The following BDP1 variants were observed in gnomAD, a reference collection of about 807,000 sequenced individuals.
BDP1 encodes the protein BDP1 general transcription factor IIIB subunit.
A neutral mutation model predicts 266.6 loss-of-function variants in BDP1; 169 were observed. The observed-to-expected ratio is 0.63, with a 90% CI of 0.56 to 0.72. BDP1 has a LOEUF of 0.72. BDP1 is among the 30% of genes least tolerant of loss of function. BDP1 has a pLI of 0.00. For synonymous variants in BDP1, 1,090 were observed against 1,022.4 expected (o/e 1.07, Z -1.26); for missense variants, 3,015 against 3,053.8 (o/e 0.99, Z 0.30).
intron 3 of BDP1, 80 bp from the exon 4 acceptor site, chr5:71,463,978 A>G: frequency 1.2e-6 from 1 of 818,800 alleles, no homozygotes; most frequent in East Asian, 2.8e-5. Context: ...AGTTAGAATA[A>G]TTTTCTTCTT....
Position 71,524,173 on chromosome 5 carries a change from A to T in BDP1, c.5622A>T (p.Glu1874Asp), listed in dbSNP as rs747149501. Reference protein sequence around the residue: ...MLVTLRASQEEDDDADDFESD... With the variant: ...MLVTLRASQEDDDDADDFESD... ...TGACTCTTCGGGCTTCCCAGGAAGA[A>T]GATGATGATGCTGACGATTTTGAGT... Residue 1874 changes from glutamate (E) to aspartate (D), a missense_variant, in exon 25 of 39, where the codon GAA becomes GAT. This residue lies in a region of BDP1 where 2,383 missense variants were observed against 2,404.9 expected (regional missense o/e 0.99). Transcript: ENST00000358731. 20 of 1,614,090 alleles carry T rather than the reference A, an allele frequency of 1.2e-5. No individual in the cohort carries two copies. Among genetic ancestry groups the T allele is most frequent in the South Asian group, 7.7e-5 (7 of 91,092 alleles).
At chr5:71,513,429 G>T in intron 19 of BDP1, 22 bp downstream of exon 19, 3 of 1,341,928 alleles carry the variant, frequency 2.2e-6, no homozygotes, top group Non-Finnish European at 3.1e-6. Flanking sequence ...TGAGATGGAA[G>T]TTCTGTGTGG....
At chr5:71,537,988 G>A (rs1482918990) in intron 26 of BDP1, 1 of 152,210 alleles carries the variant, frequency 6.6e-6, no homozygotes, top group Non-Finnish European at 1.5e-5. Flanking sequence ...TTTCATAAAC[G>A]TCCTTTACCA....
In BDP1 at chr5:71,514,982, A is replaced by T. The variant is rs1459398603; in HGVS notation, c.4509A>T (p.Thr1503=). Residue 1503 remains threonine, a synonymous_variant, in exon 20 of 39, where the codon ACA becomes ACT. Transcript: ENST00000358731. ...ASLMISREKD[T]LGHRNEEAVI... Reference sequence around the variant, plus strand: ...TAATGATATCAAGAGAAAAAGACACATTAGGTCACAGGAATGAGGAGGCTG... The same window carrying T: ...TAATGATATCAAGAGAAAAAGACACTTTAGGTCACAGGAATGAGGAGGCTG... 3.1e-6 allele frequency: 5 copies of T among 1,611,192 alleles called. No individual in the cohort carries two copies. In the African/African-American group the frequency reaches 6.7e-5, roughly 22 times the overall value.
intron 11 of BDP1, among the ~76,000 whole-genome samples, chr5:71,492,880 TGCAGCCATCA>T (rs778644251): frequency 2.0e-5 from 3 of 152,258 alleles, no homozygotes; most frequent in Admixed American, 6.5e-5. Context: ...TACATTGTTG[TGCAGCCATCA>T]GCACTATTTC....
At chr5:71,464,155 T>A (rs1187908885) in intron 4 of BDP1, 38 bp downstream of exon 4, 1 of 1,269,674 alleles carries the variant, frequency 7.9e-7, no homozygotes, top group African/African-American at 1.5e-5. Flanking sequence ...TATTCCTACA[T>A]TTTTTAAGAA....
chr5:71,466,282 G>C, intron 5 of BDP1, 61 bp downstream of exon 5: 1 of 1,581,962 alleles, frequency 6.3e-7, no homozygotes. Context: ...GCTTTGTCTA[G>C]TGAAAGAGGT....
chr5:71,464,095 T>G lies in BDP1; in HGVS notation c.637T>G (p.Ser213Ala), dbSNP rs755813881. The change falls in exon 4 of 39, where the codon TCG becomes GCG. Residue 213 changes from serine (S) to alanine (A), a missense_variant. This residue lies in a region of BDP1 where 2,383 missense variants were observed against 2,404.9 expected (regional missense o/e 0.99). Transcript: ENST00000358731. ...LEQEKKTEKP[S>A]TPVQTREQEG... Reference sequence around the variant, plus strand: ...ACAAGAAAAGAAAACTGAAAAGCCATCGACTCCAGTCCAGACAAGAGAGTA... The same window carrying G: ...ACAAGAAAAGAAAACTGAAAAGCCAGCGACTCCAGTCCAGACAAGAGAGTA... The G allele has an allele frequency of 5.1e-6, 8 of 1,580,978 alleles. No homozygotes were observed. The highest frequency in any genetic ancestry group is 6.9e-6 in the Non-Finnish European group (8 of 1,161,540).
Position 71,556,938 on chromosome 5 carries a change from C to G in BDP1, c.7240+13C>G, listed in dbSNP as rs376968042. The G allele has an allele frequency of 3.6e-6, 5 of 1,404,400 alleles. No homozygotes were observed. The highest frequency in any genetic ancestry group is 3.8e-6 in the Non-Finnish European group (4 of 1,050,474). The allele number at this position is 1,404,400 out of a possible 1,614,324, so 87.0% of individuals were successfully genotyped here. A position where few individuals can be genotyped will look rare whatever the true frequency, so the allele number is the denominator to read the frequency against. ...TTTGAGGAAACAGGTAAGTGAAATACATTTTAACATGATTGCATTTTGCTA... is the reference window on the plus strand; with the variant it reads ...TTTGAGGAAACAGGTAAGTGAAATAGATTTTAACATGATTGCATTTTGCTA... On this transcript the variant is annotated intron_variant, in intron 36 of 38. Coordinates refer to ENST00000358731, the MANE Select transcript of BDP1 (RefSeq NM_018429.3).
rs781749234 is a variant in BDP1, at chr5:71,562,355, T to C, written c.7578T>C (p.His2526=). ...AGTCTGATGAACCTATGCAAGTCCA[T>C]AGTAAGAAACGCCTAAAACCTCTTA... ...SLESDEPMQV[H]SKKRLKPLIP... The change falls in exon 38 of 39, where the codon CAT becomes CAC. Residue 2526 remains histidine, a synonymous_variant. Transcript: ENST00000358731. 2.5e-6 allele frequency: 4 copies of C among 1,613,688 alleles called. No individual in the cohort carries two copies. In the East Asian group the frequency reaches 6.7e-5, roughly 27 times the overall value.
Position 71,517,160 on chromosome 5 carries a change from G to A in BDP1, c.4861-162G>A, listed in dbSNP as rs188480267. On this transcript the variant is annotated intron_variant, in intron 21 of 38. Transcript: ENST00000358731. ...GAGGATCGTTTGAGCCTAGGACTTT[G>A]AGACTAGCCTGGGCAGTATGATGAG... Among the ~76,000 whole-genome samples the A allele has an allele frequency of 3.3e-5, 5 of 152,282 alleles. No individual in the cohort carries two copies. In the East Asian group the frequency reaches 9.6e-4, roughly 29 times the overall value.
At chr5:71,535,353 C>T (rs145931398) in intron 26 of BDP1, among the ~76,000 whole-genome samples, 3,807 of 152,004 alleles carry the variant, frequency 0.025, 72 homozygotes, top group South Asian at 0.073. Context: ...TACAAGCGCC[C>T]GCCACCACAT....
chr5:71,557,951 A>C (rs1743344797), intron 36 of BDP1, among the ~76,000 whole-genome samples: 2 of 152,220 alleles, frequency 1.3e-5, no homozygotes, highest in African/African-American at 4.8e-5. Flanking sequence ...TTCTATTTTT[A>C]TAGGAATCTA....
intron 30 of BDP1, 77 bp downstream of exon 30, chr5:71,542,342 G>A (rs1474986131): frequency 2.8e-5 from 37 of 1,305,622 alleles, no homozygotes; most frequent in South Asian, 2.3e-4. Context: ...AGAAATATTT[G>A]GTCATTAAAT....
chr5:71,551,529 C>T (rs930684508), intron 34 of BDP1, among the ~76,000 whole-genome samples: 1 of 152,234 alleles, frequency 6.6e-6, no homozygotes, highest in Admixed American at 6.5e-5. Flanking sequence ...ACAGACACGG[C>T]AACCATCCGA....
intron 33 of BDP1, among the ~76,000 whole-genome samples, chr5:71,548,958 A>G (rs1335463617): frequency 6.6e-6 from 1 of 152,170 alleles, no homozygotes; most frequent in East Asian, 1.9e-4. Flanking sequence ...TTTATCCTTT[A>G]TGAAATTACT....
At chr5:71,516,629 C>T (rs931138680) in intron 21 of BDP1, among the ~76,000 whole-genome samples, 4 of 152,120 alleles carry the variant, frequency 2.6e-5, no homozygotes, top group South Asian at 2.1e-4. Flanking sequence ...AAAGTCATTA[C>T]GTACTATAAC....
intron 2 of BDP1, among the ~76,000 whole-genome samples, chr5:71,459,919 A>G (rs1469916912): frequency 6.6e-6 from 1 of 152,242 alleles, no homozygotes; most frequent in Non-Finnish European, 1.5e-5. Context: ...TTCAGGTTAG[A>G]GATGCTCAGC....
Position 71,547,946 on chromosome 5 carries a change from CTG to C in BDP1, c.6745-734_6745-733del, listed in dbSNP as rs796516985. ...ACTCCAGCCTGGCGACAGAGCGAGA[CTG>C]TCTCAAAAAAATAAATAAATAAATA... On this transcript the variant is annotated intron_variant, in intron 32 of 38. Transcript: ENST00000358731. Among the ~76,000 whole-genome samples the C allele has an allele frequency of 4.5e-4, 69 of 151,906 alleles. 1 individual carries two copies. Among genetic ancestry groups the C allele is most frequent in the African/African-American group, 1.6e-3 (68 of 41,432 alleles).
Sources: allele counts gnomAD v4.1 joint callset (sites outside exome capture counted in the v4.1 genomes callset), GRCh38; gene constraint gnomAD v4.1.1; regional missense constraint gnomAD v4.1.1; transcripts MANE v1.5; gene names NCBI Gene and HGNC (gene_info 2026-07-23, HGNC 2026-07-21).